Variants in AGBL4 observed in about 807,000 individuals in gnomAD.
AGBL4 encodes the protein AGBL carboxypeptidase 4, also known as cytosolic carboxypeptidase 6.
AGBL4 carries 58 observed loss-of-function variants against 66.4 expected under a neutral mutation model. The observed-to-expected ratio is 0.87, with a 90% CI of 0.71 to 1.09. The LOEUF is 1.09. Among genes scored for constraint, AGBL4 ranks in the 50% least tolerant of loss-of-function variants. AGBL4 has a pLI of 0.00. For synonymous variants in AGBL4, 234 were observed against 222.9 expected (o/e 1.05, Z -0.44); for missense variants, 579 against 631.0 (o/e 0.92, Z 0.88).
intron 3 of AGBL4, among the ~76,000 whole-genome samples, chr1:49,402,376 T>G (rs970877103): frequency 1.3e-5 from 2 of 152,210 alleles, no homozygotes; most frequent in African/African-American, 4.8e-5. Flanking sequence ...ATACTGTGTT[T>G]GCATTATCAA....
At chr1:49,439,935 G>C (rs977361332) in intron 3 of AGBL4, among the ~76,000 whole-genome samples, 1 of 152,068 alleles carries the variant, frequency 6.6e-6, no homozygotes, top group African/African-American at 2.4e-5. Context: ...AGAGAACCCT[G>C]AGCAATACAG....
At chr1:49,716,524 G>A (rs542720251) in intron 2 of AGBL4, among the ~76,000 whole-genome samples, 23 of 151,400 alleles carry the variant, frequency 1.5e-4, no homozygotes, top group Admixed American at 4.0e-4. Flanking sequence ...ATAACCAGGC[G>A]AAAATAAAAT....
intron 11 of AGBL4, among the ~76,000 whole-genome samples, chr1:48,547,041 A>C (rs370071633): frequency 7.9e-5 from 12 of 151,996 alleles, no homozygotes; most frequent in African/African-American, 2.4e-4. Flanking sequence ...AAGAAGAGGG[A>C]AGGGTGTCTG....
At chr1:49,875,592 T>C (rs1197132887) in intron 1 of AGBL4, among the ~76,000 whole-genome samples, 1 of 148,576 alleles carries the variant, frequency 6.7e-6, no homozygotes, top group Non-Finnish European at 1.5e-5. Flanking sequence ...GTCTTTGCTA[T>C]TGTGAATAAT....
intron 3 of AGBL4, among the ~76,000 whole-genome samples, chr1:49,456,248 ACT>A (rs1244927220): frequency 1.3e-5 from 2 of 151,596 alleles, no homozygotes; most frequent in East Asian, 3.9e-4. Flanking sequence ...TTGGAGAGGA[ACT>A]CTCTCAAAAT....
chr1:49,470,355 T>C (rs918683707), intron 3 of AGBL4, among the ~76,000 whole-genome samples: 6 of 151,998 alleles, frequency 3.9e-5, no homozygotes, highest in Non-Finnish European at 1.5e-5. Flanking sequence ...AATATTCCTA[T>C]AAGATATGCA....
At chr1:49,775,334 T>C (rs1231139877) in intron 2 of AGBL4, among the ~76,000 whole-genome samples, 1 of 152,182 alleles carries the variant, frequency 6.6e-6, no homozygotes, top group African/African-American at 2.4e-5. Context: ...TATAAGCATG[T>C]CAGATTTCTA....
intron 6 of AGBL4, chr1:48,761,606 G>T: frequency 1.1e-6 from 1 of 908,466 alleles, no homozygotes; most frequent in Non-Finnish European, 1.6e-6. Flanking sequence ...ACAGACTCAA[G>T]GCTGGTTCCC....
At chr1:49,204,815 T>G (rs948861735) in intron 4 of AGBL4, among the ~76,000 whole-genome samples, 3 of 152,114 alleles carry the variant, frequency 2.0e-5, no homozygotes, top group Non-Finnish European at 4.4e-5. Context: ...TGAGAACATG[T>G]CACAGTATTT....
intron 3 of AGBL4, among the ~76,000 whole-genome samples, chr1:49,375,460 G>A (rs1038395504): frequency 2.6e-5 from 4 of 151,932 alleles, no homozygotes; most frequent in Non-Finnish European, 4.4e-5. Context: ...TAAAAGTCAC[G>A]GTGCCCTTTG....
At chr1:49,683,231 C>T (rs910980897) in intron 3 of AGBL4, among the ~76,000 whole-genome samples, 1 of 152,118 alleles carries the variant, frequency 6.6e-6, no homozygotes, top group African/African-American at 2.4e-5. Context: ...GGAAGAAAAT[C>T]TCATTACCCC....
chr1:48,585,694 G>C (rs1250417637), intron 11 of AGBL4: 1 of 152,202 alleles, frequency 6.6e-6, no homozygotes, highest in Non-Finnish European at 1.5e-5. Flanking sequence ...TGTCCAACAG[G>C]ATGTGGAACA....
chr1:48,531,766 ATG>A, downstream of AGBL4, among the ~76,000 whole-genome samples: 1 of 151,650 alleles, frequency 6.6e-6, no homozygotes, highest in South Asian at 2.1e-4. Context: ...TTATGTATGT[ATG>A]TATGTATGTA....
At chr1:49,339,904 G>A (rs1258679895) in intron 3 of AGBL4, among the ~76,000 whole-genome samples, 1 of 152,100 alleles carries the variant, frequency 6.6e-6, no homozygotes, top group South Asian at 2.1e-4. Flanking sequence ...CTGTAAAGTG[G>A]TGCCATGACT....
chr1:49,822,001 T>C (rs1645381764), intron 2 of AGBL4, among the ~76,000 whole-genome samples: 2 of 152,102 alleles, frequency 1.3e-5, no homozygotes, highest in African/African-American at 4.8e-5. Context: ...TCACAGAACA[T>C]CAGAGTTGGA....
chr1:49,187,052 T>C (rs927442972), intron 4 of AGBL4, among the ~76,000 whole-genome samples: 7 of 152,210 alleles, frequency 4.6e-5, no homozygotes, highest in African/African-American at 1.7e-4. Flanking sequence ...TGAGAACAAT[T>C]TGGCTTTAGC....
In AGBL4 at chr1:49,591,010, T is replaced by C. The variant is rs1055550615; in HGVS notation, c.282+106303A>G. Reference sequence around the variant, plus strand: ...AAAATTAATAGGACTGAGTAAACACTGCTTAGAGGAAAATGTATAGCTTTA... The same window carrying C: ...AAAATTAATAGGACTGAGTAAACACCGCTTAGAGGAAAATGTATAGCTTTA... On this transcript the variant is annotated intron_variant, in intron 3 of 13. Transcript: ENST00000371839. 2.0e-5 allele frequency among the ~76,000 whole-genome samples: 3 copies of C among 152,074 alleles called. No individual in the cohort carries two copies. In the East Asian group the frequency reaches 5.8e-4, roughly 29 times the overall value.
At chr1:49,851,090 A>G (rs551245507) in intron 2 of AGBL4, among the ~76,000 whole-genome samples, 23 of 152,290 alleles carry the variant, frequency 1.5e-4, no homozygotes, top group Admixed American at 7.2e-4. Context: ...ATCGTAATTG[A>G]TAATACAGTC....
chr1:49,505,838 T>C (rs1015454261), intron 3 of AGBL4, among the ~76,000 whole-genome samples: 32 of 152,146 alleles, frequency 2.1e-4, no homozygotes, highest in African/African-American at 7.2e-4. Flanking sequence ...CTTTAGTCTC[T>C]CTCTTCTTAA....
Sources: gnomAD v4.1 joint callset for allele counts (sites outside exome capture counted in the v4.1 genomes callset) on GRCh38, gnomAD v4.1.1 for gene constraint, MANE v1.5 for transcripts, NCBI Gene and HGNC (gene_info 2026-07-23, HGNC 2026-07-21) for gene names.